FAM171A1: variants seen among roughly 807,000 people sequenced by gnomAD.
FAM171A1 encodes protein FAM171A1.
FAM171A1 carries 23 observed loss-of-function variants against 74.9 expected under a neutral mutation model. That is an observed-to-expected ratio of 0.31 (90% CI 0.22 to 0.44). FAM171A1 has a LOEUF of 0.44. Ranked by LOEUF, FAM171A1 falls within the 20% of genes least tolerant of loss-of-function variation. The probability of loss-of-function intolerance (pLI) is 1.00; values close to 1 mark genes in which losing one functional copy is unlikely to be tolerated. For missense variants in FAM171A1, 1,162 were observed against 1,159.2 expected (o/e 1.00, Z -0.03); for synonymous variants, 527 against 505.7 (o/e 1.04, Z -0.57).
At chr10:15,290,377 C>T (rs1252306486) in intron 1 of FAM171A1, among the ~76,000 whole-genome samples, 2 of 152,184 alleles carry the variant, frequency 1.3e-5, no homozygotes, top group African/African-American at 4.8e-5. Context: ...TTCTACACTT[C>T]CCTTCCATGT....
intron 1 of FAM171A1, among the ~76,000 whole-genome samples, chr10:15,348,386 C>G (rs1170135560): frequency 6.6e-6 from 1 of 152,100 alleles, no homozygotes; most frequent in Non-Finnish European, 1.5e-5. Flanking sequence ...GATCCTCCCG[C>G]CTCAGCCTCC....
intron 1 of FAM171A1, among the ~76,000 whole-genome samples, chr10:15,320,508 G>C (rs1835474409): frequency 6.6e-6 from 1 of 152,180 alleles, no homozygotes; most frequent in Non-Finnish European, 1.5e-5. Flanking sequence ...CAGGTCGAAT[G>C]GCAGTTCTGT....
intron 5 of FAM171A1, chr10:15,240,777 T>A: frequency 5.1e-6 from 5 of 980,268 alleles, no homozygotes; most frequent in Non-Finnish European, 6.1e-6. Flanking sequence ...TGGCTCACAG[T>A]CGTTGTAATC....
At position 15,212,834 on chromosome 10, in the gene FAM171A1, C is replaced by T; in HGVS notation, c.*81G>A. 6.5e-7 allele frequency: 1 copy of T among 1,547,566 alleles called. No individual in the cohort carries two copies. The highest frequency in any genetic ancestry group is 8.7e-7 in the Non-Finnish European group (1 of 1,148,750). On this transcript the variant is annotated 3_prime_UTR_variant, in exon 8 of 8. Coordinates refer to ENST00000378116, the MANE Select transcript of FAM171A1 (RefSeq NM_001010924.2). The stretch of plus-strand genomic sequence containing the variant: ...CCACGGCTGGGCTGCCGTTCCGTTT[C>T]CTCCACGAACGGGTACGCGCTTCCA...
In FAM171A1 at chr10:15,220,978, C is replaced by T; in HGVS notation, c.837G>A (p.Gly279=). 2.5e-6 allele frequency: 4 copies of T among 1,614,022 alleles called. No individual in the cohort carries two copies. Among genetic ancestry groups the T allele is most frequent in the Admixed American group, 1.7e-5 (1 of 60,012 alleles). ...LTWTYIAPQL[G]YWVAAMSPPI... Reference sequence around the variant, plus strand: ...GAGGGGACATGGCGGCCACCCAGTACCCCAACTGGGGGGCAATGTATGTCC... The same window carrying T: ...GAGGGGACATGGCGGCCACCCAGTATCCCAACTGGGGGGCAATGTATGTCC... Residue 279 remains glycine (G), a synonymous_variant, in exon 6 of 8, where the codon GGG becomes GGA. Transcript: ENST00000378116.
At chr10:15,248,068 G>C (rs61844223) in intron 5 of FAM171A1, among the ~76,000 whole-genome samples, 7,949 of 152,268 alleles carry the variant, frequency 0.052, 290 homozygotes, top group Non-Finnish European at 0.074. Context: ...GAAACTCTGA[G>C]ATACTGGAGC....
intron 5 of FAM171A1, among the ~76,000 whole-genome samples, chr10:15,233,653 C>T (rs1834240036): frequency 6.6e-6 from 1 of 152,036 alleles, no homozygotes; most frequent in Admixed American, 6.6e-5. Context: ...CCTGTAATCC[C>T]AGCACTTTGG....
chr10:15,368,146 G>C (rs7921018), intron 1 of FAM171A1, among the ~76,000 whole-genome samples: 1 of 152,220 alleles, frequency 6.6e-6, no homozygotes, highest in Admixed American at 6.5e-5. Flanking sequence ...TCTAGAGCTA[G>C]TTCAAATTCA....
intron 3 of FAM171A1, among the ~76,000 whole-genome samples, chr10:15,265,752 G>A (rs767160666): frequency 1.7e-4 from 26 of 152,024 alleles, no homozygotes; most frequent in African/African-American, 5.5e-4. Flanking sequence ...TGGCAGGACC[G>A]AGATGATGAA....
intron 1 of FAM171A1, among the ~76,000 whole-genome samples, chr10:15,370,323 G>A (rs146368218): frequency 6.8e-6 from 1 of 147,602 alleles, no homozygotes; most frequent in African/African-American, 2.5e-5. Context: ...CTCATGGGCC[G>A]CTGAGCAAAT....
At chr10:15,334,949 A>G (rs929893901) in intron 1 of FAM171A1, among the ~76,000 whole-genome samples, 2 of 152,200 alleles carry the variant, frequency 1.3e-5, no homozygotes, top group East Asian at 1.9e-4. Flanking sequence ...CCGATTCAAG[A>G]TACACATAAA....
chr10:15,372,335 C>T (rs1470865503), upstream of FAM171A1, among the ~76,000 whole-genome samples: 1 of 152,142 alleles, frequency 6.6e-6, no homozygotes, highest in Non-Finnish European at 1.5e-5. Flanking sequence ...CATACCTGGT[C>T]AGTGGCAGAG....
intron 1 of FAM171A1, among the ~76,000 whole-genome samples, chr10:15,363,484 T>C (rs1836020967): frequency 1.3e-5 from 2 of 152,238 alleles, no homozygotes; most frequent in African/African-American, 2.4e-5. Flanking sequence ...CCTTAACCTG[T>C]GGCAAGGTCA....
chr10:15,255,504 A>G (rs1020815854), intron 3 of FAM171A1, among the ~76,000 whole-genome samples: 3 of 152,208 alleles, frequency 2.0e-5, no homozygotes, highest in African/African-American at 7.2e-5. Context: ...ATTTAGGATG[A>G]GACTTTTGAA....
intron 1 of FAM171A1, among the ~76,000 whole-genome samples, chr10:15,348,258 C>T (rs568720834): frequency 4.1e-4 from 62 of 152,138 alleles, no homozygotes; most frequent in Non-Finnish European, 7.2e-4. Flanking sequence ...GGATTACAGG[C>T]GTGAGCCACT....
chr10:15,223,336 C>A (rs1014445121), intron 5 of FAM171A1, among the ~76,000 whole-genome samples: 8 of 152,222 alleles, frequency 5.3e-5, no homozygotes, highest in African/African-American at 1.9e-4. Context: ...AGCTGGCCCA[C>A]TACAGTGATG....
intron 3 of FAM171A1, among the ~76,000 whole-genome samples, chr10:15,268,111 C>A (rs937506125): frequency 1.2e-4 from 19 of 152,122 alleles, no homozygotes; most frequent in African/African-American, 4.6e-4. Flanking sequence ...GTAGCCTCGT[C>A]CCTTCCTTAC....
intron 2 of FAM171A1, among the ~76,000 whole-genome samples, chr10:15,280,248 C>T (rs768885548): frequency 3.1e-4 from 47 of 152,284 alleles, no homozygotes; most frequent in South Asian, 1.0e-3. Flanking sequence ...CTCCGTGTCA[C>T]GTTTACTTCA....
intron 1 of FAM171A1, among the ~76,000 whole-genome samples, chr10:15,329,296 C>A (rs1427452019): frequency 1.3e-5 from 2 of 152,154 alleles, no homozygotes; most frequent in African/African-American, 4.8e-5. Context: ...CACTGTTGGC[C>A]TAGTCACCAA....
Sources: gnomAD v4.1 joint callset for allele counts (sites outside exome capture counted in the v4.1 genomes callset) on GRCh38, gnomAD v4.1.1 for gene constraint, MANE v1.5 for transcripts, NCBI Gene and HGNC (gene_info 2026-07-23, HGNC 2026-07-21) for gene names.